The following NOTCH2NLC variants were observed in gnomAD, a reference collection of about 807,000 sequenced individuals.
The protein encoded by NOTCH2NLC is notch homolog 2 N-terminal-like protein C.
Under a neutral mutation model 17.7 loss-of-function variants are expected in NOTCH2NLC, and 4 were observed. The ratio of observed to expected loss-of-function variants is 0.23; its 90% CI spans 0.11 to 0.52. NOTCH2NLC has a LOEUF of 0.52. NOTCH2NLC is among the 20% of genes least tolerant of loss of function. The probability of loss-of-function intolerance (pLI) is 0.96; values close to 1 mark genes in which losing one functional copy is unlikely to be tolerated. For missense variants in NOTCH2NLC, 57 were observed against 207.2 expected (o/e 0.28, Z 4.45); for synonymous variants, 18 against 86.0 (o/e 0.21, Z 4.38).
At chr1:149,452,513 T>TA (rs2084595800) in intron 2 of NOTCH2NLC, among the ~76,000 whole-genome samples, 2 of 102,778 alleles carry the variant, frequency 1.9e-5, no homozygotes, top group African/African-American at 7.6e-5. Flanking sequence ...TTTAAAAATG[T>TA]AAAAAACTAT....
At chr1:149,432,813 TA>T (rs1455498496) in intron 2 of NOTCH2NLC, among the ~76,000 whole-genome samples, 3 of 149,316 alleles carry the variant, frequency 2.0e-5, no homozygotes. Context: ...ACATGTTTCT[TA>T]TCTATTTATG....
chr1:149,467,429 G>A lies in NOTCH2NLC; in HGVS notation c.*3276G>A, dbSNP rs1405393329. ...GGAATTAAAACTACAAAAATGACGC[G>A]TCTTGTATGACACAGAAAGAAATGT... On this transcript the variant is annotated 3_prime_UTR_variant, in exon 5 of 5. Transcript: ENST00000650865. 18 of 145,344 alleles carry A rather than the reference G, an allele frequency of 1.2e-4. 3 individuals are homozygous for A. The highest frequency in any genetic ancestry group is 1.1e-3 in the East Asian group (5 of 4,458). 9.0% of individuals were successfully genotyped at this position (145,344 alleles called of 1,614,324 possible).
intron 2 of NOTCH2NLC, among the ~76,000 whole-genome samples, chr1:149,448,989 C>T (rs2084573240): frequency 6.8e-6 from 1 of 146,252 alleles, no homozygotes; most frequent in African/African-American, 2.5e-5. Context: ...TCATGCCATT[C>T]TCCTGCCTCA....
chr1:149,460,871 C>CCTTCTTTCTTTG lies in NOTCH2NLC; in HGVS notation c.470-2620_470-2619insCTTCTTTCTTTG, dbSNP rs2084642643. On this transcript the variant is annotated intron_variant, in intron 3 of 4. Transcript: ENST00000650865. The stretch of plus-strand genomic sequence containing the variant: ...TCTTTCTCCCTTTCTTTCTTTCTTT[C>CCTTCTTTCTTTG]TTTCTTTCTTTCTTTCTTTCTTTCT... Among the ~76,000 whole-genome samples, 65 of 52,916 alleles carry CCTTCTTTCTTTG rather than the reference C, an allele frequency of 1.2e-3. 2 individuals are homozygous for CCTTCTTTCTTTG. The highest frequency in any genetic ancestry group is 0.012 in the Middle Eastern group (1 of 86). The allele number at this position is 52,916 out of a possible 152,430, so 34.7% of individuals were successfully genotyped here.
At chr1:149,419,840 AAT>A (rs1247876476) in intron 1 of NOTCH2NLC, among the ~76,000 whole-genome samples, 2,388 of 113,438 alleles carry the variant, frequency 0.021, 184 homozygotes, top group African/African-American at 0.068. Context: ...GAAGTTCAGG[AAT>A]ATATATATAT....
intron 1 of NOTCH2NLC, among the ~76,000 whole-genome samples, chr1:149,423,223 A>T (rs2101482232): frequency 6.7e-6 from 1 of 149,366 alleles, no homozygotes; most frequent in Non-Finnish European, 1.5e-5. Flanking sequence ...AACAAAATCG[A>T]TTTATCTCTT....
chr1:149,417,018 G>A (rs2084339329), intron 1 of NOTCH2NLC, among the ~76,000 whole-genome samples: 2 of 146,154 alleles, frequency 1.4e-5, no homozygotes, highest in Admixed American at 1.4e-4. Context: ...TGGTATGTGG[G>A]TGGTTACCTA....
intron 1 of NOTCH2NLC, among the ~76,000 whole-genome samples, chr1:149,412,812 CA>C (rs1171085478): frequency 0.04 from 1,745 of 43,798 alleles, 3 homozygotes; most frequent in Middle Eastern, 0.066. Flanking sequence ...GACTGCATCT[CA>C]AAAAAAAAAA....
At chr1:149,424,247 T>G (rs1417533704) in intron 1 of NOTCH2NLC, among the ~76,000 whole-genome samples, 1 of 151,334 alleles carries the variant, frequency 6.6e-6, no homozygotes, top group Non-Finnish European at 1.5e-5. Context: ...TGGATTGAGT[T>G]ACAGTTAGTG....
chr1:149,460,349 T>C (rs2084635383), intron 3 of NOTCH2NLC, among the ~76,000 whole-genome samples: 1 of 133,886 alleles, frequency 7.5e-6, no homozygotes, highest in East Asian at 2.1e-4. Context: ...TTTTTTTTTT[T>C]TTTTTTTTGA....
rs1352843717 is a variant in NOTCH2NLC at position 149,402,237 on chromosome 1, G to A, written c.135+11315G>A. ...TGGAATTACAGGCATGCACCACAAC[G>A]CCTGGCTAATTTTTTGTAGTTTTAG... On this transcript the variant is annotated intron_variant, in intron 1 of 4. Coordinates refer to ENST00000650865, the MANE Select transcript of NOTCH2NLC (RefSeq NM_001364013.2). Among the ~76,000 whole-genome samples, 12 of 150,286 alleles carry A rather than the reference G, an allele frequency of 8.0e-5. 1 individual carries two copies. The highest frequency in any genetic ancestry group is 2.7e-4 in the African/African-American group (11 of 40,998).
intron 2 of NOTCH2NLC, among the ~76,000 whole-genome samples, chr1:149,445,547 C>A (rs1171786203): frequency 1.3e-5 from 2 of 149,138 alleles, no homozygotes; most frequent in South Asian, 2.1e-4. Flanking sequence ...TTTACCTTAA[C>A]GACAGCTCCC....
At chr1:149,446,404 T>C (rs2084553501) in intron 2 of NOTCH2NLC, among the ~76,000 whole-genome samples, 1 of 128,498 alleles carries the variant, frequency 7.8e-6, no homozygotes, top group East Asian at 2.5e-4. Flanking sequence ...TTTTTCTCTG[T>C]TTTCTTCCTT....
Position 149,390,704 on chromosome 1 carries a change from T to A in NOTCH2NLC, c.-84T>A, listed in dbSNP as rs1415523463. On this transcript the variant is annotated 5_prime_UTR_variant, in exon 1 of 5. Coordinates refer to ENST00000650865, the MANE Select transcript of NOTCH2NLC (RefSeq NM_001364013.2). The stretch of plus-strand genomic sequence containing the variant: ...GAGTCGAGGCATTTGCGCCTGTGCT[T>A]CGGACCGTAGCGCCAGGGCCTGAGC... The A allele has an allele frequency of 5.7e-5, 71 of 1,240,250 alleles. 2 individuals carry two copies. The highest frequency in any genetic ancestry group is 9.9e-5 in the African/African-American group (6 of 60,542). 76.8% of individuals were successfully genotyped at this position (1,240,250 alleles called of 1,614,324 possible). A position where few individuals can be genotyped will look rare whatever the true frequency, so the allele number is the denominator to read the frequency against.
At chr1:149,460,855 CT>C (rs2084641395) in intron 3 of NOTCH2NLC, among the ~76,000 whole-genome samples, 477 of 1,500 alleles carry the variant, frequency 0.32, 25 homozygotes, top group East Asian at 0.32. Context: ...TTCTTTCTCC[CT>C]TTCTTTCTTT....
chr1:149,421,456 G>T (rs1444621099), intron 1 of NOTCH2NLC, among the ~76,000 whole-genome samples: 1 of 133,846 alleles, frequency 7.5e-6, no homozygotes, highest in Admixed American at 8.2e-5. Context: ...CTGAGATTGC[G>T]CCACTGCACT....
At position 149,424,138 on chromosome 1, in the gene NOTCH2NLC, C is replaced by T. The variant is rs1188691817; in HGVS notation, c.136-6804C>T. ...TCCTTAAATGAATAAATTTCTGAGG[C>T]GCTGGAACTGGTTAAAATCAATGGC... On this transcript the variant is annotated intron_variant, in intron 1 of 4. Transcript: ENST00000650865. Among the ~76,000 whole-genome samples the T allele has an allele frequency of 1.1e-4, 16 of 151,216 alleles. 2 individuals carry two copies. The highest frequency in any genetic ancestry group is 9.7e-4 in the East Asian group (5 of 5,130).
In NOTCH2NLC at chr1:149,390,701, G is replaced by C; in HGVS notation, c.-87G>C. ...GGGGAGTCGAGGCATTTGCGCCTGT[G>C]CTTCGGACCGTAGCGCCAGGGCCTG... On this transcript the variant is annotated 5_prime_UTR_variant, in exon 1 of 5. Transcript: ENST00000650865. 1 of 1,246,754 alleles carries C rather than the reference G, an allele frequency of 8.0e-7. No individual in the cohort carries two copies. The highest frequency in any genetic ancestry group is 2.2e-5 in the South Asian group (1 of 45,856). The allele number at this position is 1,246,754 out of a possible 1,614,324, so 77.2% of individuals were successfully genotyped here.
At chr1:149,396,286 T>TC (rs1243700952) in intron 1 of NOTCH2NLC, among the ~76,000 whole-genome samples, 4 of 135,578 alleles carry the variant, frequency 3.0e-5, no homozygotes, top group Non-Finnish European at 6.4e-5. Context: ...TTTCTGTCCA[T>TC]CCCATGCTGG....
Sources: allele counts gnomAD v4.1 joint callset (sites outside exome capture counted in the v4.1 genomes callset), GRCh38; gene constraint gnomAD v4.1.1; transcripts MANE v1.5; gene names NCBI Gene and HGNC (gene_info 2026-07-23, HGNC 2026-07-21).